TAF2: variants seen among roughly 807,000 people sequenced by gnomAD.
TAF2 encodes the protein TATA-box binding protein associated factor 2.
TAF2 carries 61 observed loss-of-function variants against 138.5 expected under a neutral mutation model. The observed-to-expected ratio is 0.44, with a 90% CI of 0.36 to 0.54. The LOEUF (loss-of-function observed/expected upper bound fraction) is 0.54. Among genes scored for constraint, TAF2 ranks in the 20% least tolerant of loss-of-function variants. The pLI, the probability that TAF2 is intolerant of heterozygous loss-of-function variation, is 0.00. For synonymous variants in TAF2, 475 were observed against 469.9 expected (o/e 1.01, Z -0.14); for missense variants, 1,090 against 1,427.9 (o/e 0.76, Z 3.81).
intron 18 of TAF2, among the ~76,000 whole-genome samples, chr8:119,769,160 T>TG (rs1821652533): frequency 2.6e-5 from 4 of 152,158 alleles, no homozygotes; most frequent in African/African-American, 9.7e-5. Context: ...CAGCTGGCTC[T>TG]TACCTGGAAG....
intron 9 of TAF2, among the ~76,000 whole-genome samples, chr8:119,794,333 T>C (rs924467073): frequency 2.6e-5 from 4 of 151,228 alleles, no homozygotes; most frequent in Non-Finnish European, 2.9e-5. Flanking sequence ...GAGGCAGAGG[T>C]TGCAGTGAGC....
intron 15 of TAF2, 51 bp downstream of exon 15, chr8:119,785,150 G>T (rs1467072211): frequency 2.1e-6 from 3 of 1,446,752 alleles, no homozygotes; most frequent in Non-Finnish European, 2.9e-6. Context: ...AAAGTAGACA[G>T]ATGAGAATGC....
chr8:119,756,533 A>T (rs1377005354), intron 21 of TAF2, among the ~76,000 whole-genome samples: 1 of 152,210 alleles, frequency 6.6e-6, no homozygotes. Context: ...AAATCTTAAC[A>T]TGGAGCAAAA....
At chr8:119,771,928 A>AAATAG (rs1821870094) in intron 18 of TAF2, among the ~76,000 whole-genome samples, 1 of 152,196 alleles carries the variant, frequency 6.6e-6, no homozygotes, top group Non-Finnish European at 1.5e-5. Flanking sequence ...CAAACTGACC[A>AAATAG]CATGCTTGGC....
intron 14 of TAF2, 64 bp from the exon 15 acceptor site, chr8:119,785,330 G>T: frequency 8.8e-7 from 1 of 1,130,270 alleles, no homozygotes; most frequent in Non-Finnish European, 1.3e-6. Context: ...GACATTAACA[G>T]CAGCTAAAAT....
At chr8:119,780,359 G>A (rs912954923) in intron 17 of TAF2, among the ~76,000 whole-genome samples, 1 of 152,056 alleles carries the variant, frequency 6.6e-6, no homozygotes, top group African/African-American at 2.4e-5. Context: ...TTAAACTGAG[G>A]TGCAGAAGGT....
rs554078803 is a variant in TAF2 at position 119,734,907 on chromosome 8, C to A, written c.3338-2721G>T. Among the ~76,000 whole-genome samples, 36 of 152,284 alleles carry A rather than the reference C, an allele frequency of 2.4e-4. No individual in the cohort carries two copies. The South Asian group carries it at 7.0e-3, about 30-fold the overall frequency. On this transcript the variant is annotated intron_variant, in intron 25 of 25. Transcript: ENST00000378164. The stretch of plus-strand genomic sequence containing the variant: ...CAACCTAAAGGAAGAAATAAGGAAA[C>A]AAAGAACATCTTAGTTTCTTCAATA...
At chr8:119,745,029 T>C (rs1355995744) in intron 23 of TAF2, 1 of 456,150 alleles carries the variant, frequency 2.2e-6, no homozygotes, top group Admixed American at 2.3e-5. Flanking sequence ...GGCAAGGTGA[T>C]CATCTTCCTG....
intron 19 of TAF2, 57 bp from the exon 20 acceptor site, chr8:119,760,795 G>A: frequency 6.2e-7 from 1 of 1,605,966 alleles, no homozygotes; most frequent in Non-Finnish European, 8.5e-7. Flanking sequence ...GAATCAGTTT[G>A]TTTCCTAGGC....
intron 4 of TAF2, 137 bp from the exon 5 acceptor site, chr8:119,804,156 T>C: frequency 1.0e-6 from 1 of 1,000,454 alleles, no homozygotes; most frequent in Non-Finnish European, 1.5e-6. Context: ...CTTACCCTAG[T>C]TTAGACTTTT....
At position 119,819,375 on chromosome 8, in the gene TAF2, G is replaced by C; in HGVS notation, c.270C>G (p.Thr90=). ...LEAAFIYNDP[T]LEVCHSESKQ... The stretch of plus-strand genomic sequence containing the variant: ...TTGATTCACTGTGACAAACTTCCAA[G>C]GTTGGGTCATTATAAATAAAAGCAG... The change falls in exon 3 of 26, where the codon ACC becomes ACG. Residue 90 remains threonine (T), a synonymous_variant. Coordinates refer to ENST00000378164, the MANE Select transcript of TAF2 (RefSeq NM_003184.4). 2.5e-6 allele frequency: 4 copies of C among 1,612,940 alleles called. No homozygotes were observed. Among genetic ancestry groups the C allele is most frequent in the Non-Finnish European group, 3.4e-6 (4 of 1,179,616 alleles).
At chr8:119,797,531 T>A (rs1823916260) in intron 7 of TAF2, 131 bp downstream of exon 7, 1 of 918,974 alleles carries the variant, frequency 1.1e-6, no homozygotes, top group Admixed American at 2.9e-5. Flanking sequence ...AACCAAATTT[T>A]GTACAAAGCC....
At chr8:119,732,305 C>G in intron 25 of TAF2, 119 bp from the exon 26 acceptor site, 1 of 891,574 alleles carries the variant, frequency 1.1e-6, no homozygotes, top group Non-Finnish European at 1.8e-6. Flanking sequence ...TCACTTCTAT[C>G]AGGAATGGGA....
chr8:119,760,424 T>C lies in TAF2; in HGVS notation c.2698+175A>G, dbSNP rs141592358. 468 of 723,466 alleles carry C rather than the reference T, an allele frequency of 6.5e-4. 3 individuals carry two copies. The highest frequency in any genetic ancestry group is 3.9e-3 in the African/African-American group (218 of 56,106). 44.8% of individuals were successfully genotyped at this position (723,466 alleles called of 1,614,324 possible). ...TATAATTTTATTCCTTTCCCTCATTTATTAACTCTTATGTGAATTCTACAT... is the reference window on the plus strand; with the variant it reads ...TATAATTTTATTCCTTTCCCTCATTCATTAACTCTTATGTGAATTCTACAT... On this transcript the variant is annotated intron_variant, in intron 20 of 25. Coordinates refer to ENST00000378164, the MANE Select transcript of TAF2 (RefSeq NM_003184.4).
At chr8:119,751,043 A>G (rs1332149918) in intron 22 of TAF2, among the ~76,000 whole-genome samples, 4 of 152,206 alleles carry the variant, frequency 2.6e-5, no homozygotes, top group Non-Finnish European at 4.4e-5. Context: ...AAGACAAGCA[A>G]AAGTATTTAA....
At chr8:119,796,966 A>AGTAT in intron 8 of TAF2, 24 bp downstream of exon 8, 1 of 1,461,012 alleles carries the variant, frequency 6.8e-7, no homozygotes, top group Non-Finnish European at 9.6e-7. Context: ...TCTTCTCAGT[A>AGTAT]GTATGAACTT....
chr8:119,762,917 TA>T (rs879412634), intron 18 of TAF2: 1,310 of 185,590 alleles, frequency 7.1e-3, no homozygotes, highest in South Asian at 0.016. Flanking sequence ...AGGAAGCCAC[TA>T]AAAAAAAAAA....
chr8:119,776,802 A>G (rs950834078), intron 18 of TAF2, among the ~76,000 whole-genome samples: 1 of 152,172 alleles, frequency 6.6e-6, no homozygotes, highest in African/African-American at 2.4e-5. Context: ...ACTTTGGGAA[A>G]ATCCTACTCA....
chr8:119,755,856 C>A, intron 22 of TAF2, 150 bp downstream of exon 22: 1 of 636,820 alleles, frequency 1.6e-6, no homozygotes, highest in Admixed American at 2.8e-5. Flanking sequence ...TTATCACAGC[C>A]ACCACTGTGA....
Sources: gnomAD v4.1 joint callset for allele counts (sites outside exome capture counted in the v4.1 genomes callset) on GRCh38, gnomAD v4.1.1 for gene constraint, MANE v1.5 for transcripts, NCBI Gene and HGNC (gene_info 2026-07-23, HGNC 2026-07-21) for gene names.